SUCLG2: variants seen among roughly 807,000 people sequenced by gnomAD.
SUCLG2 encodes succinate--CoA ligase [GDP-forming] subunit beta, mitochondrial.
Under a neutral mutation model 47.9 loss-of-function variants are expected in SUCLG2, and 42 were observed. The ratio of observed to expected loss-of-function variants is 0.88; its 90% CI spans 0.69 to 1.14. The LOEUF (loss-of-function observed/expected upper bound fraction) is 1.14, where lower values mean the gene tolerates loss of function less well. Among genes scored for constraint, SUCLG2 ranks in the 50% most tolerant of loss-of-function variants. The probability of loss-of-function intolerance (pLI) is 0.00; values close to 1 mark genes in which losing one functional copy is unlikely to be tolerated. For synonymous variants in SUCLG2, 195 were observed against 197.3 expected, an observed-to-expected ratio of 0.99 and a Z score of 0.10; for missense variants, 571 against 525.9, an observed-to-expected ratio of 1.09 and a Z score of -0.84.
chr3:67,514,203 A>G, intron 6 of SUCLG2: 1 of 366,324 alleles, frequency 2.7e-6, no homozygotes, highest in Non-Finnish European at 5.5e-6. Context: ...CACTCTTGGG[A>G]GCTTTGTGTG....
chr3:67,540,182 C>G (rs987819826), intron 2 of SUCLG2, among the ~76,000 whole-genome samples: 1 of 151,670 alleles, frequency 6.6e-6, no homozygotes, highest in Non-Finnish European at 1.5e-5. Context: ...TTGCTTTCTC[C>G]TGTGGGCATT....
At chr3:67,492,957 A>G (rs1197724486) in intron 9 of SUCLG2, among the ~76,000 whole-genome samples, 1 of 152,240 alleles carries the variant, frequency 6.6e-6, no homozygotes, top group Non-Finnish European at 1.5e-5. Flanking sequence ...TATCTTAGAC[A>G]CACTGCAAAT....
chr3:67,364,820 T>C (rs1701855121), intron 10 of SUCLG2, among the ~76,000 whole-genome samples: 2 of 152,128 alleles, frequency 1.3e-5, no homozygotes, highest in Non-Finnish European at 2.9e-5. Context: ...AGGTGATCCA[T>C]AGATGCCAAC....
At chr3:67,367,578 C>A (rs765764088) in intron 10 of SUCLG2, among the ~76,000 whole-genome samples, 1 of 152,128 alleles carries the variant, frequency 6.6e-6, no homozygotes, top group Non-Finnish European at 1.5e-5. Flanking sequence ...GCACTATTGA[C>A]ACTTTGGGTT....
chr3:67,449,538 T>C (rs1386820686), intron 9 of SUCLG2, among the ~76,000 whole-genome samples: 1 of 132,502 alleles, frequency 7.5e-6, no homozygotes, highest in Non-Finnish European at 1.6e-5. Flanking sequence ...ATCAGACATG[T>C]ACATAATACC....
intron 9 of SUCLG2, among the ~76,000 whole-genome samples, chr3:67,430,820 A>G (rs1189644768): frequency 2.6e-5 from 4 of 152,166 alleles, no homozygotes; most frequent in Non-Finnish European, 5.9e-5. Flanking sequence ...AATACTATAA[A>G]CACCTCTACA....
At chr3:67,566,846 C>G (rs1707464306) in intron 2 of SUCLG2, among the ~76,000 whole-genome samples, 1 of 152,098 alleles carries the variant, frequency 6.6e-6, no homozygotes, top group Non-Finnish European at 1.5e-5. Flanking sequence ...TCCTTCCATC[C>G]TATGTTTTTA....
intron 2 of SUCLG2, among the ~76,000 whole-genome samples, chr3:67,592,716 TC>T (rs1708192150): frequency 1.8e-4 from 3 of 16,474 alleles, no homozygotes; most frequent in African/African-American, 2.7e-4. Context: ...TCTCACATCC[TC>T]CAAAAAAAAA....
At chr3:67,418,813 T>C (rs1703090720) in intron 9 of SUCLG2, among the ~76,000 whole-genome samples, 1 of 152,128 alleles carries the variant, frequency 6.6e-6, no homozygotes, top group South Asian at 2.1e-4. Context: ...TTAACTGTTC[T>C]TCATGGGATA....
At chr3:67,528,367 C>A (rs565232129) in intron 3 of SUCLG2, 145 bp from the exon 4 acceptor site, 10 of 710,198 alleles carry the variant, frequency 1.4e-5, no homozygotes, top group Non-Finnish European at 2.2e-5. Flanking sequence ...TTATGTGCTG[C>A]GTGTTTAGCA....
chr3:67,619,274 C>T (rs951309676), intron 1 of SUCLG2, among the ~76,000 whole-genome samples: 4 of 152,234 alleles, frequency 2.6e-5, no homozygotes, highest in Middle Eastern at 3.4e-3. Flanking sequence ...TGAGATTCTC[C>T]AATTAAAGGA....
chr3:67,392,935 C>T (rs545141129), intron 10 of SUCLG2, among the ~76,000 whole-genome samples: 2 of 152,148 alleles, frequency 1.3e-5, no homozygotes, highest in African/African-American at 2.4e-5. Context: ...CTGCCTCAGT[C>T]TCCTGCTCAG....
intron 2 of SUCLG2, among the ~76,000 whole-genome samples, chr3:67,546,302 T>TA (rs759523304): frequency 2.0e-5 from 3 of 152,306 alleles, no homozygotes; most frequent in East Asian, 3.9e-4. Context: ...AAAACTGAAA[T>TA]AAAATTTGGC....
intron 9 of SUCLG2, among the ~76,000 whole-genome samples, chr3:67,484,746 A>C (rs1705008818): frequency 1.3e-5 from 2 of 152,198 alleles, no homozygotes; most frequent in African/African-American, 4.8e-5. Flanking sequence ...TCACATGAAA[A>C]AGAAAAAGGA....
intron 6 of SUCLG2, among the ~76,000 whole-genome samples, chr3:67,511,197 C>T (rs958467345): frequency 6.6e-6 from 1 of 152,108 alleles, no homozygotes; most frequent in African/African-American, 2.4e-5. Flanking sequence ...CTAAATTGTT[C>T]TTCATAGAAG....
intron 1 of SUCLG2, among the ~76,000 whole-genome samples, chr3:67,620,584 CAAAAA>C (rs71109890): frequency 1.1e-4 from 7 of 63,502 alleles, no homozygotes; most frequent in African/African-American, 3.7e-4. Flanking sequence ...GACTCCATCT[CAAAAA>C]AAAAAAAAAA....
At chr3:67,505,288 G>A (rs978404847) in intron 7 of SUCLG2, among the ~76,000 whole-genome samples, 8 of 152,178 alleles carry the variant, frequency 5.3e-5, no homozygotes, top group Non-Finnish European at 1.0e-4. Context: ...TTCTCTTCAG[G>A]CCTTAAGCCA....
intron 1 of SUCLG2, among the ~76,000 whole-genome samples, chr3:67,611,797 A>G (rs1419460064): frequency 6.6e-6 from 1 of 152,218 alleles, no homozygotes; most frequent in Non-Finnish European, 1.5e-5. Context: ...ACTAATTGCA[A>G]TTGATCCAGA....
At chr3:67,365,116 C>T (rs1701858151) in intron 10 of SUCLG2, among the ~76,000 whole-genome samples, 1 of 152,074 alleles carries the variant, frequency 6.6e-6, no homozygotes, top group Admixed American at 6.6e-5. Context: ...TTGAACAATG[C>T]AGAGAAAACA....
Sources: allele counts gnomAD v4.1 joint callset (sites outside exome capture counted in the v4.1 genomes callset), GRCh38; gene constraint gnomAD v4.1.1; transcripts MANE v1.5; gene names NCBI Gene and HGNC (gene_info 2026-07-23, HGNC 2026-07-21).